ACVRL1: variants seen among roughly 807,000 people sequenced by gnomAD.
ACVRL1 encodes the protein activin receptor type-1-like.
Under a neutral mutation model 51.9 loss-of-function variants are expected in ACVRL1, and 20 were observed. That is an observed-to-expected ratio of 0.39 (90% CI 0.27 to 0.56). The LOEUF (loss-of-function observed/expected upper bound fraction) is 0.56, where lower values mean the gene tolerates loss of function less well. Among genes scored for constraint, ACVRL1 ranks in the 20% least tolerant of loss-of-function variants. The pLI is 0.67. For missense variants in ACVRL1, 451 were observed against 670.3 expected, an observed-to-expected ratio of 0.67 and a Z score of 3.61; for synonymous variants, 288 against 280.9, an observed-to-expected ratio of 1.03 and a Z score of -0.25.
intron 1 of ACVRL1, among the ~76,000 whole-genome samples, chr12:51,909,624 G>T (rs1940653656): frequency 1.3e-5 from 2 of 150,986 alleles, no homozygotes; most frequent in Admixed American, 1.3e-4. Flanking sequence ...TTCCTTTGAG[G>T]GACTCATCTA....
chr12:51,913,192 C>T lies in ACVRL1; in HGVS notation c.155C>T (p.Thr52Ile). ...KGPTCRGAWCTVVLVREEGRH... is the reference protein window; with the variant it reads ...KGPTCRGAWCIVVLVREEGRH... ...CCTACCTGCCGGGGGGCCTGGTGCA[C>T]AGTAGTGCTGGTGCGGGAGGAGGGG... Residue 52 changes from threonine (T) to isoleucine (I), a missense_variant, in exon 3 of 10, where the codon ACA (threonine) becomes ATA (isoleucine). This residue lies in a region of ACVRL1 where 192 missense variants were observed against 216.9 expected (regional missense o/e 0.89). Transcript: ENST00000388922. 1.3e-6 allele frequency: 2 copies of T among 1,596,928 alleles called. No individual in the cohort carries two copies. The highest frequency in any genetic ancestry group is 1.7e-6 in the Non-Finnish European group (2 of 1,173,022).
intron 1 of ACVRL1, among the ~76,000 whole-genome samples, chr12:51,910,846 G>C (rs1385226666): frequency 1.3e-5 from 2 of 152,154 alleles, no homozygotes; most frequent in Admixed American, 6.5e-5. Context: ...AGCAGCCCAG[G>C]GCTCTGTTTC....
intron 5 of ACVRL1, 135 bp from the exon 6 acceptor site, chr12:51,914,304 G>A: frequency 7.4e-7 from 1 of 1,343,880 alleles, no homozygotes; most frequent in Non-Finnish European, 1.0e-6. Context: ...TTTGGGTCTG[G>A]ATTAAGTTAA....
Position 51,920,631 on chromosome 12 carries a change from G to A in ACVRL1, c.1378-128G>A, listed in dbSNP as rs999896486. ...TCCTGCTTATGTCTCCCCATTACCG[G>A]CCATCCTCCTCATCTTCTTCCCATC... On this transcript the variant is annotated intron_variant, in intron 9 of 9. Coordinates refer to ENST00000388922, the MANE Select transcript of ACVRL1 (RefSeq NM_000020.3). 2.0e-4 allele frequency: 206 copies of A among 1,036,638 alleles called. No individual in the cohort carries two copies. Among genetic ancestry groups the A allele is most frequent in the South Asian group, 4.0e-4 (29 of 73,362 alleles). The allele number at this position is 1,036,638 out of a possible 1,614,324, so 64.2% of individuals were successfully genotyped here. A position where few individuals can be genotyped will look rare whatever the true frequency, so the allele number is the denominator to read the frequency against.
chr12:51,918,924 T>C (rs1467914074), intron 8 of ACVRL1, 61 bp from the exon 9 acceptor site: 2 of 1,613,872 alleles, frequency 1.2e-6, no homozygotes, highest in Non-Finnish European at 1.7e-6. Context: ...GGCTCTCCTC[T>C]GGGTGGTATT....
Position 51,914,686 on chromosome 12 carries a change from T to A in ACVRL1, c.772+101T>A, listed in dbSNP as rs191577017. 9 of 1,193,842 alleles carry A rather than the reference T, an allele frequency of 7.5e-6. No homozygotes were observed. In the East Asian group the frequency reaches 2.3e-4, roughly 31 times the overall value. The allele number at this position is 1,193,842 out of a possible 1,614,324, so 74.0% of individuals were successfully genotyped here. On this transcript the variant is annotated intron_variant, in intron 6 of 9. Coordinates refer to ENST00000388922, the MANE Select transcript of ACVRL1 (RefSeq NM_000020.3). ...AGACATTAACAGAACCCTGAAGGAC[T>A]CTCAGCCCACCTGCAGCATCAACCT...
rs575740017 is a variant in ACVRL1 at position 51,923,013 on chromosome 12, T to C, written c.*2120T>C. 6.6e-6 allele frequency: 1 copy of C among 152,660 alleles called. No individual in the cohort carries two copies. Among genetic ancestry groups the C allele is most frequent in the South Asian group, 2.1e-4 (1 of 4,820 alleles). 9.5% of individuals were successfully genotyped at this position (152,660 alleles called of 1,614,324 possible). A position where few individuals can be genotyped will look rare whatever the true frequency, so the allele number is the denominator to read the frequency against. On this transcript the variant is annotated 3_prime_UTR_variant, in exon 10 of 10. Coordinates refer to ENST00000388922, the MANE Select transcript of ACVRL1 (RefSeq NM_000020.3). ...TGGAATCCACCCAGCCCACGAATCA[T>C]CTCCCTCTTGAAGGATTTTATTTCT...
chr12:51,907,407 G>A (rs1021592881), upstream of ACVRL1: 1 of 152,498 alleles, frequency 6.6e-6, no homozygotes, highest in African/African-American at 2.4e-5. The surrounding 1 kb of genome is among the most constrained non-coding windows in gnomAD (Gnocchi z 4.5). Flanking sequence ...CAGTCGGCGA[G>A]CTGGGCAATA....
intron 8 of ACVRL1, among the ~76,000 whole-genome samples, chr12:51,916,946 T>C (rs1332466588): frequency 1.3e-5 from 2 of 152,054 alleles, no homozygotes; most frequent in Non-Finnish European, 2.9e-5. Context: ...TGCACTCCAG[T>C]CTGGGCGACA....
rs778246850 is a variant in ACVRL1 at position 51,912,492 on chromosome 12, C to G, written c.18C>G (p.Pro6=). Residue 6 remains proline, a synonymous_variant, in exon 2 of 10, where the codon CCC becomes CCG. Transcript: ENST00000388922. ...CAGGGACCATGACCTTGGGCTCCCC[C>G]AGGAAAGGCCTTCTGATGCTGCTGA... MTLGS[P]RKGLLMLLMA... The G allele has an allele frequency of 1.7e-5, 28 of 1,614,090 alleles. No homozygotes were observed. Among genetic ancestry groups the G allele is most frequent in the Non-Finnish European group, 2.1e-5 (25 of 1,180,024 alleles).
At chr12:51,906,947 C>T (rs1940604063), upstream of ACVRL1, 1 of 152,342 alleles carries the variant, frequency 6.6e-6, no homozygotes, top group South Asian at 2.1e-4. Context: ...ACTCTGCCCT[C>T]ATTGCTGCAA....
chr12:51,914,194 T>G (rs2139069463), intron 5 of ACVRL1, 121 bp downstream of exon 5: 1 of 933,274 alleles, frequency 1.1e-6, no homozygotes, highest in Non-Finnish European at 1.5e-6. Context: ...ATTGGAATTC[T>G]GCTGGGCAGG....
intron 9 of ACVRL1, among the ~76,000 whole-genome samples, chr12:51,920,433 A>T (rs1374023215): frequency 1.3e-5 from 2 of 152,136 alleles, no homozygotes; most frequent in African/African-American, 4.8e-5. Flanking sequence ...GTGCTCCTGA[A>T]GATCTGAGTT....
At chr12:51,909,363 C>T (rs1206544959) in intron 1 of ACVRL1, among the ~76,000 whole-genome samples, 1 of 152,046 alleles carries the variant, frequency 6.6e-6, no homozygotes, top group African/African-American at 2.4e-5. Context: ...CATGGTGCTG[C>T]ACCCCTGTAG....
chr12:51,920,671 T>C, intron 9 of ACVRL1, 88 bp from the exon 10 acceptor site: 1 of 1,470,500 alleles, frequency 6.8e-7, no homozygotes, highest in South Asian at 1.2e-5. Flanking sequence ...CTGACCCACC[T>C]CCCTCTGCAT....
intron 7 of ACVRL1, 135 bp downstream of exon 7, chr12:51,915,635 G>T (rs904699611): frequency 8.2e-7 from 1 of 1,214,108 alleles, no homozygotes; most frequent in South Asian, 1.5e-5. Context: ...GTTCTCCTCC[G>T]CAAGACCCCA....
intron 1 of ACVRL1, among the ~76,000 whole-genome samples, chr12:51,912,123 G>A (rs1940702442): frequency 6.6e-6 from 1 of 152,162 alleles, no homozygotes; most frequent in African/African-American, 2.4e-5. Context: ...GGGAGCTGCT[G>A]GAGAGATGCT....
rs1259553852 is a variant in ACVRL1 at position 51,914,165 on chromosome 12, GTGCCA to G, written c.625+93_625+97del. The G allele has an allele frequency of 2.8e-6, 4 of 1,414,862 alleles. No homozygotes were observed. In the African/African-American group the frequency reaches 4.3e-5, roughly 15 times the overall value. The allele number at this position is 1,414,862 out of a possible 1,614,324, so 87.6% of individuals were successfully genotyped here. On this transcript the variant is annotated intron_variant, in intron 5 of 9. Coordinates refer to ENST00000388922, the MANE Select transcript of ACVRL1 (RefSeq NM_000020.3). Reference sequence around the variant, plus strand: ...TTTTTGGCTACTGGAATCACAGGCGGTGCCAGGCCTGGGTCAGAATTGGAATTCTG... The same window carrying G: ...TTTTTGGCTACTGGAATCACAGGCGGGGCCTGGGTCAGAATTGGAATTCTG...
At chr12:51,913,436 A>G (rs1289413452) in intron 3 of ACVRL1, 86 bp downstream of exon 3, 1 of 1,555,890 alleles carries the variant, frequency 6.4e-7, no homozygotes, top group Non-Finnish European at 8.7e-7. Context: ...TCTGGCCAAT[A>G]AAGGGGCTGG....
Sources: gnomAD v4.1 joint callset for allele counts (sites outside exome capture counted in the v4.1 genomes callset) on GRCh38, gnomAD v4.1.1 for gene constraint, gnomAD v4.1.1 regional missense constraint, Gnocchi (gnomAD v3.1) non-coding constraint, MANE v1.5 for transcripts, NCBI Gene and HGNC (gene_info 2026-07-23, HGNC 2026-07-21) for gene names.